Variants in POP1 observed in about 807,000 individuals in gnomAD.
POP1 encodes POP1 ribonuclease P/MRP subunit.
Under a neutral mutation model 102.2 loss-of-function variants are expected in POP1, and 75 were observed. That is an observed-to-expected ratio of 0.73 (90% confidence interval 0.61 to 0.89). The LOEUF (loss-of-function observed/expected upper bound fraction) is 0.89. Ranked by LOEUF, POP1 falls within the 40% of genes least tolerant of loss-of-function variation. The probability of loss-of-function intolerance (pLI) is 0.00; values close to 1 mark genes in which losing one functional copy is unlikely to be tolerated. For synonymous variants in POP1, 436 were observed against 464.1 expected (o/e 0.94, Z 0.78); for missense variants, 1,116 against 1,267.4 (o/e 0.88, Z 1.81).
intron 3 of POP1, among the ~76,000 whole-genome samples, 185 bp downstream of exon 3, chr8:98,127,947 CCCTT>C (rs1284664514): frequency 3.3e-5 from 5 of 152,096 alleles, no homozygotes; most frequent in Admixed American, 6.6e-5. Context: ...TGATGGCTCT[CCCTT>C]CTTCAGTTTC....
In POP1 at chr8:98,136,520, G is replaced by A. The variant is rs1816544405; in HGVS notation, c.1050G>A (p.Val350=). The A allele has an allele frequency of 6.2e-7, 1 of 1,613,982 alleles. No individual in the cohort carries two copies. The highest frequency in any genetic ancestry group is 1.1e-5 in the South Asian group (1 of 91,070). ...AAATAAAAGCAGCGTGCCAGTGTGT[G>A]GAACCCATCAAATCAGCTGTCTGCA... is the stretch of plus-strand genomic sequence containing the variant. The part of the protein sequence containing the change: ...LEEIKAACQC[V]EPIKSAVCIA... Residue 350 remains valine (V), a synonymous_variant, in exon 8 of 16, where the codon GTG becomes GTA. Coordinates refer to ENST00000401707, the MANE Select transcript of POP1 (RefSeq NM_001145860.2).
chr8:98,135,006 G>A (rs1189641385), intron 7 of POP1, among the ~76,000 whole-genome samples: 1 of 152,132 alleles, frequency 6.6e-6, no homozygotes, highest in Non-Finnish European at 1.5e-5. Context: ...GGCGGGGCAT[G>A]GTTTCTCATG....
intron 11 of POP1, among the ~76,000 whole-genome samples, chr8:98,144,252 T>G (rs971538099): frequency 3.9e-5 from 6 of 152,092 alleles, no homozygotes; most frequent in African/African-American, 1.4e-4. Flanking sequence ...TACTGTCTAC[T>G]TTGTTTTATC....
At chr8:98,150,413 TC>T in intron 13 of POP1, 71 bp from the exon 14 acceptor site, 1 of 1,546,286 alleles carries the variant, frequency 6.5e-7, no homozygotes. Context: ...GTTTCCATTT[TC>T]CCCCATATAA....
chr8:98,125,673 T>A (rs1220891366), intron 2 of POP1, among the ~76,000 whole-genome samples: 1 of 152,150 alleles, frequency 6.6e-6, no homozygotes, highest in Non-Finnish European at 1.5e-5. Context: ...CCCGAGTAGC[T>A]GGGACTACAG....
chr8:98,149,759 A>G lies in POP1; in HGVS notation c.1903-726A>G, dbSNP rs140931443. Among the ~76,000 whole-genome samples the G allele has an allele frequency of 5.4e-3, 810 of 150,676 alleles. 6 individuals are homozygous for G. The highest frequency in any genetic ancestry group is 0.019 in the African/African-American group (771 of 41,032). ...CGACAGAGCGAGACTCTGTCTCAAA[A>G]TAAATAAATAAATAAAATAAATAAG... On this transcript the variant is annotated intron_variant, in intron 13 of 15. Coordinates refer to ENST00000401707, the MANE Select transcript of POP1 (RefSeq NM_001145860.2).
intron 9 of POP1, among the ~76,000 whole-genome samples, chr8:98,137,723 A>G (rs1816588048): frequency 6.6e-6 from 1 of 152,222 alleles, no homozygotes; most frequent in African/African-American, 2.4e-5. Context: ...GCCATTAGCC[A>G]CATGTGGCAG....
At chr8:98,154,930 GC>G (rs1809609449) in intron 14 of POP1, among the ~76,000 whole-genome samples, 1 of 152,216 alleles carries the variant, frequency 6.6e-6, no homozygotes, top group African/African-American at 2.4e-5. Flanking sequence ...TACCTAGTAT[GC>G]TGCTATTTGT....
In POP1 at chr8:98,140,098, G is replaced by A. The variant is rs1375383772; in HGVS notation, c.1383G>A (p.Glu461=). The A allele has an allele frequency of 6.2e-7, 1 of 1,613,990 alleles. No homozygotes were observed. Among genetic ancestry groups the A allele is most frequent in the Non-Finnish European group, 8.5e-7 (1 of 1,179,894 alleles). The change falls in exon 10 of 16, where the codon GAG becomes GAA. Residue 461 remains glutamate, a synonymous_variant. Transcript: ENST00000401707. The stretch of plus-strand genomic sequence containing the variant: ...TTCAGGTGGGAGAGGACACAGAGGA[G>A]ACACCTCACCGCTGGTGGATAGAAA... The part of the protein sequence containing the change: ...SVHTVGEDTE[E]TPHRWWIETC...
chr8:98,127,496 T>G, intron 2 of POP1, 99 bp from the exon 3 acceptor site: 2 of 1,431,500 alleles, frequency 1.4e-6, no homozygotes, highest in Non-Finnish European at 2.0e-6. Context: ...ACTATAGGAT[T>G]AAAAACATGG....
At chr8:98,151,939 G>A (rs1178111904) in intron 14 of POP1, among the ~76,000 whole-genome samples, 3 of 151,264 alleles carry the variant, frequency 2.0e-5, no homozygotes, top group Non-Finnish European at 4.4e-5. Flanking sequence ...TTGCCATGTT[G>A]CCCAGGGTGT....
chr8:98,154,912 AAG>A (rs1246988160), intron 14 of POP1, among the ~76,000 whole-genome samples: 205 of 152,376 alleles, frequency 1.3e-3, no homozygotes, highest in Non-Finnish European at 2.3e-3. Context: ...GTTAAGCAAA[AAG>A]TACTGTACCT....
chr8:98,140,440 C>G (rs145550798), intron 10 of POP1, among the ~76,000 whole-genome samples: 1 of 152,310 alleles, frequency 6.6e-6, no homozygotes, highest in Non-Finnish European at 1.5e-5. Context: ...AATGCATACA[C>G]CAGGTACTGA....
chr8:98,144,157 TA>T (rs146187108), intron 11 of POP1, among the ~76,000 whole-genome samples: 19,233 of 151,270 alleles, frequency 0.13, 1,324 homozygotes, highest in Middle Eastern at 0.26. Context: ...AGACTCCATC[TA>T]AAAAAAAACC....
chr8:98,127,553 T>C (rs765737623), intron 2 of POP1, 42 bp from the exon 3 acceptor site: 1 of 1,610,082 alleles, frequency 6.2e-7, no homozygotes, highest in South Asian at 1.1e-5. Flanking sequence ...ATAATGTTTA[T>C]CTCTGATAAA....
In POP1 at chr8:98,133,720, G is replaced by A. The variant is rs73701266; in HGVS notation, c.736-229G>A. On this transcript the variant is annotated intron_variant, in intron 5 of 15. Transcript: ENST00000401707. ...GAGATTCATTTTTATTTTGGTTCGGGTTGGTTTAAAAATATTTGTTAAGGT... is the reference window on the plus strand; with the variant it reads ...GAGATTCATTTTTATTTTGGTTCGGATTGGTTTAAAAATATTTGTTAAGGT... 0.073 allele frequency among the ~76,000 whole-genome samples: 11,067 copies of A among 152,152 alleles called. 620 individuals are homozygous for A. Among genetic ancestry groups the A allele is most frequent in the Middle Eastern group, 0.16 (48 of 294 alleles).
At chr8:98,140,310 G>C in intron 10 of POP1, 121 bp downstream of exon 10, 1 of 772,962 alleles carries the variant, frequency 1.3e-6, no homozygotes, top group Admixed American at 2.0e-5. Context: ...CACAGCAAGA[G>C]AACCAAGTAA....
rs200939314 is a variant in POP1, at chr8:98,157,992, G to T, written c.2796G>T (p.Ala932=). 4 of 1,612,766 alleles carry T rather than the reference G, an allele frequency of 2.5e-6. No individual in the cohort carries two copies. Among genetic ancestry groups the T allele is most frequent in the Admixed American group, 1.7e-5 (1 of 60,014 alleles). The change falls in exon 16 of 16, where the codon GCG becomes GCT. Residue 932 remains alanine (A), a synonymous_variant. Transcript: ENST00000401707. The stretch of plus-strand genomic sequence containing the variant: ...GACGTGCCTCTTCTGATGGCCCGGC[G>T]GGGGAAGAGCCCGTGGCTGGGCAGG... The part of the protein sequence containing the change: ...KPGRASSDGP[A]GEEPVAGQEA...
chr8:98,125,139 T>A (rs958819324), intron 2 of POP1, among the ~76,000 whole-genome samples: 17 of 151,664 alleles, frequency 1.1e-4, no homozygotes, highest in African/African-American at 3.6e-4. Flanking sequence ...GCAGAAACAC[T>A]ATAAAATTCT....
Sources: allele counts gnomAD v4.1 joint callset (sites outside exome capture counted in the v4.1 genomes callset), GRCh38; gene constraint gnomAD v4.1.1; transcripts MANE v1.5; gene names NCBI Gene and HGNC (gene_info 2026-07-23, HGNC 2026-07-21).